SLC25A26: variants seen among roughly 807,000 people sequenced by gnomAD.
SLC25A26 encodes solute carrier family 25 member 26, also known as mitochondrial S-adenosylmethionine carrier protein.
Under a neutral mutation model 37.8 loss-of-function variants are expected in SLC25A26, and 36 were observed. The observed-to-expected ratio is 0.95, with a 90% CI of 0.73 to 1.26. The LOEUF is 1.26. Ranked by LOEUF, SLC25A26 falls within the 50% of genes most tolerant of loss-of-function variation. The probability of loss-of-function intolerance (pLI) is 0.00; values close to 1 mark genes in which losing one functional copy is unlikely to be tolerated. For synonymous variants in SLC25A26, 129 were observed against 122.5 expected (o/e 1.05, Z -0.35); for missense variants, 390 against 331.1 (o/e 1.18, Z -1.38).
intron 1 of SLC25A26, among the ~76,000 whole-genome samples, chr3:66,171,277 T>A (rs1213479962): frequency 6.6e-6 from 1 of 152,170 alleles, no homozygotes; most frequent in Non-Finnish European, 1.5e-5. Context: ...TTTCTCTTAG[T>A]CCTTGGTAAC....
intron 5 of SLC25A26, among the ~76,000 whole-genome samples, chr3:66,340,183 G>A (rs1019215588): frequency 1.8e-4 from 28 of 152,042 alleles, no homozygotes; most frequent in African/African-American, 6.3e-4. Flanking sequence ...TCTTATTTCT[G>A]GGCTGTTTTA....
rs1700841396 is a variant in SLC25A26, at chr3:66,378,804, T to TATAAATGAACCTTTATTAAA, written c.*998_*1017dup. 6.6e-6 allele frequency: 1 copy of TATAAATGAACCTTTATTAAA among 152,644 alleles called. No individual in the cohort carries two copies. The allele number at this position is 152,644 out of a possible 1,614,324, so 9.5% of individuals were successfully genotyped here. On this transcript the variant is annotated 3_prime_UTR_variant, in exon 10 of 10. Transcript: ENST00000354883. ...AAGGACCACCAACTATACTGACATT[T>TATAAATGAACCTTTATTAAA]ATAAATGAACCTTTATTAAAGACAC...
At chr3:66,233,113 C>G (rs1438180163) in intron 1 of SLC25A26, among the ~76,000 whole-genome samples, 1 of 152,210 alleles carries the variant, frequency 6.6e-6, no homozygotes, top group Non-Finnish European at 1.5e-5. Context: ...TTACATTACA[C>G]AGATGGTTTG....
At position 66,329,985 on chromosome 3, in the gene SLC25A26, A is replaced by T. The variant is rs1433231553; in HGVS notation, c.454-16379A>T. The stretch of plus-strand genomic sequence containing the variant: ...CTAATCCGTCAGTAAATAATCACAG[A>T]GAACCTCCTATGTGCCAGATGCTGT... On this transcript the variant is annotated intron_variant, in intron 5 of 9. Transcript: ENST00000354883. Among the ~76,000 whole-genome samples, 5 of 152,224 alleles carry T rather than the reference A, an allele frequency of 3.3e-5. No individual in the cohort carries two copies. In the East Asian group the frequency reaches 9.6e-4, roughly 29 times the overall value.
Position 66,362,904 on chromosome 3 carries a change from G to T in SLC25A26, c.543G>T (p.Gln181His). The T allele has an allele frequency of 6.2e-7, 1 of 1,608,754 alleles. No homozygotes were observed. The highest frequency in any genetic ancestry group is 8.5e-7 in the Non-Finnish European group (1 of 1,177,452). Reference protein sequence around the residue: ...WRQDHVVDSWQSAVCGAFAGG... With the variant: ...WRQDHVVDSWHSAVCGAFAGG... Reference sequence around the variant, plus strand: ...AGGATCATGTGGTGGATTCTTGGCAGTCAGCAGTCTGTGGAGCTTTTGCAG... The same window carrying T: ...AGGATCATGTGGTGGATTCTTGGCATTCAGCAGTCTGTGGAGCTTTTGCAG... Residue 181 changes from glutamine (Q) to histidine (H), a missense_variant, in exon 7 of 10, where the codon CAG (glutamine) becomes CAT (histidine). By Grantham distance (24) the Gln-to-His change is conservative. Coordinates refer to ENST00000354883, the MANE Select transcript of SLC25A26 (RefSeq NM_001379210.1).
chr3:66,243,138 A>G (rs2072660668), intron 2 of SLC25A26, 65 bp from the exon 3 acceptor site: 2 of 742,408 alleles, frequency 2.7e-6, no homozygotes, highest in Non-Finnish European at 4.7e-6. Context: ...TTTGAGAAAC[A>G]TGTTTCTTAA....
At chr3:66,285,422 A>G (rs944171651) in intron 5 of SLC25A26, among the ~76,000 whole-genome samples, 5 of 137,314 alleles carry the variant, frequency 3.6e-5, no homozygotes, top group Non-Finnish European at 7.8e-5. Context: ...ACTTTTACAT[A>G]AGGTAGTTCT....
At chr3:66,230,288 G>A (rs562324699) in intron 1 of SLC25A26, among the ~76,000 whole-genome samples, 158 of 152,298 alleles carry the variant, frequency 1.0e-3, no homozygotes, top group African/African-American at 3.5e-3. Context: ...GTGATGGTTA[G>A]TACCAAAAGT....
chr3:66,263,343 G>A lies in SLC25A26; in HGVS notation c.417G>A (p.Gly139=), dbSNP rs545353680. 6.2e-7 allele frequency: 1 copy of A among 1,612,252 alleles called. No homozygotes were observed. The highest frequency in any genetic ancestry group is 2.2e-5 in the East Asian group (1 of 44,826). The stretch of plus-strand genomic sequence containing the variant: ...TGTGTTTGTTTCAGGGTATCCAAGG[G>A]TTGTATCGAGGCTATAAAAGCACAG... The part of the protein sequence containing the change: ...SNILYEEGIQ[G]LYRGYKSTVL... The change falls in exon 5 of 10, where the codon GGG becomes GGA. Residue 139 remains glycine, a synonymous_variant. Coordinates refer to ENST00000354883, the MANE Select transcript of SLC25A26 (RefSeq NM_001379210.1).
intron 3 of SLC25A26, among the ~76,000 whole-genome samples, chr3:66,250,640 C>T (rs1264836403): frequency 2.0e-5 from 1 of 50,752 alleles, no homozygotes; most frequent in Non-Finnish European, 3.5e-5. Flanking sequence ...GTATCACATG[C>T]GTTTTCAACT....
At chr3:66,278,650 C>T (rs1358689328) in intron 5 of SLC25A26, among the ~76,000 whole-genome samples, 1 of 152,148 alleles carries the variant, frequency 6.6e-6, no homozygotes, top group Non-Finnish European at 1.5e-5. Context: ...TTTCATTCCT[C>T]TGTTCATTTT....
intron 1 of SLC25A26, among the ~76,000 whole-genome samples, chr3:66,150,073 A>T (rs926088377): frequency 1.1e-4 from 17 of 152,332 alleles, no homozygotes; most frequent in Admixed American, 1.0e-3. Flanking sequence ...AAGACACAGA[A>T]GATGGAAATT....
chr3:66,299,428 G>C (rs906650736), intron 5 of SLC25A26, among the ~76,000 whole-genome samples: 1 of 152,122 alleles, frequency 6.6e-6, no homozygotes, highest in Non-Finnish European at 1.5e-5. Flanking sequence ...GGCCTCAAGT[G>C]ATCTGCTCAC....
intron 6 of SLC25A26, among the ~76,000 whole-genome samples, chr3:66,357,078 G>T (rs909451995): frequency 6.6e-5 from 10 of 152,108 alleles, no homozygotes; most frequent in African/African-American, 2.2e-4. Context: ...GAACATTTTT[G>T]ACTTCTGTTC....
intron 5 of SLC25A26, among the ~76,000 whole-genome samples, chr3:66,281,996 A>ATTTTT (rs71105977): frequency 0.031 from 2,001 of 64,406 alleles, 240 homozygotes; most frequent in Non-Finnish European, 0.039. Context: ...CTGATTTTGC[A>ATTTTT]TTTTTTTTTT....
At chr3:66,217,427 T>C (rs1285850932), upstream of SLC25A26, among the ~76,000 whole-genome samples, 1 of 152,196 alleles carries the variant, frequency 6.6e-6, no homozygotes, top group African/African-American at 2.4e-5. Context: ...AAATACGGAA[T>C]AAACCGAATA....
At chr3:66,242,715 A>G (rs1375491224) in intron 2 of SLC25A26, among the ~76,000 whole-genome samples, 1 of 152,182 alleles carries the variant, frequency 6.6e-6, no homozygotes, top group African/African-American at 2.4e-5. Flanking sequence ...CTTGATGTAA[A>G]AGTGAATTCA....
chr3:66,302,665 G>A (rs1434893302), intron 5 of SLC25A26, among the ~76,000 whole-genome samples: 1 of 152,188 alleles, frequency 6.6e-6, no homozygotes, highest in Non-Finnish European at 1.5e-5. Context: ...TTAAAATCAA[G>A]TATGCATAAT....
intron 5 of SLC25A26, among the ~76,000 whole-genome samples, chr3:66,286,740 C>T (rs188971290): frequency 2.0e-5 from 3 of 152,186 alleles, no homozygotes; most frequent in Non-Finnish European, 4.4e-5. Flanking sequence ...GGTGCAGTGG[C>T]GTGATCTCAG....
Sources: allele counts gnomAD v4.1 joint callset (sites outside exome capture counted in the v4.1 genomes callset), GRCh38; gene constraint gnomAD v4.1.1; transcripts MANE v1.5; gene names NCBI Gene and HGNC (gene_info 2026-07-23, HGNC 2026-07-21).